Variants in NFIB observed in about 807,000 individuals in gnomAD.
NFIB encodes nuclear factor I B, also known as nuclear factor 1 B-type.
NFIB carries 11 observed loss-of-function variants against 61.5 expected under a neutral mutation model. The ratio of observed to expected loss-of-function variants is 0.18; its 90% CI spans 0.11 to 0.30. The LOEUF is 0.30. Ranked by LOEUF, NFIB falls within the 10% of genes least tolerant of loss-of-function variation. The pLI is 1.00. For missense variants in NFIB, 471 were observed against 608.9 expected (o/e 0.77, Z 2.38); for synonymous variants, 260 against 216.5 (o/e 1.20, Z -1.76).
the NFIB span, among the ~76,000 whole-genome samples, chr9:14,441,374 A>G: frequency 2.0e-5 from 3 of 152,156 alleles, no homozygotes; most frequent in Admixed American, 6.5e-5. Flanking sequence ...TTTTAATTGC[A>G]TTTTTAAAAT....
chr9:14,511,416 T>C, the NFIB span, among the ~76,000 whole-genome samples: 10 of 152,292 alleles, frequency 6.6e-5, no homozygotes, highest in East Asian at 1.9e-4. Flanking sequence ...TTAATTTTTA[T>C]GTAATCAAAT....
At chr9:14,197,299 G>A (rs574759826) in intron 2 of NFIB, among the ~76,000 whole-genome samples, 1 of 152,186 alleles carries the variant, frequency 6.6e-6, no homozygotes, top group Non-Finnish European at 1.5e-5. Flanking sequence ...TCTCAAACAA[G>A]CTATAATAAA....
intron 2 of NFIB, among the ~76,000 whole-genome samples, chr9:14,251,399 C>G (rs1385865606): frequency 6.6e-6 from 1 of 152,220 alleles, no homozygotes; most frequent in Non-Finnish European, 1.5e-5. Flanking sequence ...ACTAGGGCAG[C>G]TTGTCCAGCT....
intron 1 of NFIB, among the ~76,000 whole-genome samples, chr9:14,350,128 G>A (rs2061088464): frequency 6.6e-6 from 1 of 152,114 alleles, no homozygotes; most frequent in South Asian, 2.1e-4. Context: ...ATTTTCCAGC[G>A]CTCAGCCTCG....
At chr9:14,241,543 T>C (rs1382474759) in intron 2 of NFIB, among the ~76,000 whole-genome samples, 1 of 152,202 alleles carries the variant, frequency 6.6e-6, no homozygotes, top group Non-Finnish European at 1.5e-5. Context: ...ATCTTAAGTT[T>C]ACAGCTTGCC....
chr9:14,371,055 A>T (rs1367046510), intron 1 of NFIB, among the ~76,000 whole-genome samples: 2 of 152,198 alleles, frequency 1.3e-5, no homozygotes, highest in Non-Finnish European at 2.9e-5. Flanking sequence ...AGATTGTGCC[A>T]CTGCACTCCA....
At chr9:14,426,707 C>A in the NFIB span, among the ~76,000 whole-genome samples, 2 of 152,290 alleles carry the variant, frequency 1.3e-5, 1 homozygote, top group South Asian at 4.2e-4. Flanking sequence ...CCAGGAGCAC[C>A]CAGGAGGACA....
chr9:14,124,810 C>A (rs1032164487), intron 7 of NFIB, among the ~76,000 whole-genome samples: 5 of 152,122 alleles, frequency 3.3e-5, no homozygotes, highest in Non-Finnish European at 7.4e-5. Context: ...ACATCAGACA[C>A]AATATCAAGT....
At chr9:14,126,177 G>T (rs1044296498) in intron 6 of NFIB, among the ~76,000 whole-genome samples, 4 of 152,108 alleles carry the variant, frequency 2.6e-5, no homozygotes, top group African/African-American at 7.2e-5. Flanking sequence ...CAGGTATGTT[G>T]GTCACGATAT....
In NFIB at chr9:14,086,424, C is replaced by T. The variant is rs1314779144; in HGVS notation, c.*1885G>A. ...GTGTACTTACCTATAATAACCAATA[C>T]AGCTAAAAGCACTACCTACATAGGC... On this transcript the variant is annotated 3_prime_UTR_variant, in exon 11 of 11. Transcript: ENST00000380953. 4.6e-6 allele frequency: 1 copy of T among 217,366 alleles called. No homozygotes were observed. The highest frequency in any genetic ancestry group is 9.3e-6 in the Non-Finnish European group (1 of 108,042). 13.5% of individuals were successfully genotyped at this position (217,366 alleles called of 1,614,324 possible).
At chr9:14,277,797 T>C (rs1238817563) in intron 2 of NFIB, among the ~76,000 whole-genome samples, 1 of 152,168 alleles carries the variant, frequency 6.6e-6, no homozygotes, top group African/African-American at 2.4e-5. Context: ...CTTTTCTGAG[T>C]TCCCCATTGT....
chr9:14,228,330 G>T (rs1350046823), intron 2 of NFIB, among the ~76,000 whole-genome samples: 3 of 151,794 alleles, frequency 2.0e-5, no homozygotes, highest in Non-Finnish European at 2.9e-5. Flanking sequence ...GAGTAGCTGG[G>T]ATTACAGGAG....
chr9:14,512,774 A>G, the NFIB span, among the ~76,000 whole-genome samples: 2 of 150,198 alleles, frequency 1.3e-5, no homozygotes, highest in African/African-American at 4.9e-5. Context: ...CTTTTTTCCT[A>G]CCTCCCGTCT....
At chr9:14,233,616 G>C (rs1046445670) in intron 2 of NFIB, among the ~76,000 whole-genome samples, 4 of 151,884 alleles carry the variant, frequency 2.6e-5, no homozygotes, top group Non-Finnish European at 5.9e-5. Flanking sequence ...TTGTAGTAGA[G>C]ACCGGGTTTT....
At chr9:14,296,139 T>C (rs2059431966) in intron 2 of NFIB, among the ~76,000 whole-genome samples, 1 of 152,254 alleles carries the variant, frequency 6.6e-6, no homozygotes, top group African/African-American at 2.4e-5. Context: ...GACCCTCTGC[T>C]TCATATCCAG....
At chr9:14,478,214 G>T in the NFIB span, among the ~76,000 whole-genome samples, 41 of 152,204 alleles carry the variant, frequency 2.7e-4, no homozygotes, top group African/African-American at 9.6e-4. Flanking sequence ...CTTCCTACTA[G>T]GAAGCACACA....
chr9:14,354,022 T>G (rs2061146436), intron 1 of NFIB, among the ~76,000 whole-genome samples: 1 of 152,112 alleles, frequency 6.6e-6, no homozygotes, highest in Non-Finnish European at 1.5e-5. Flanking sequence ...CCCTTCCTTC[T>G]CTAAAAACCA....
the NFIB span, among the ~76,000 whole-genome samples, chr9:14,439,091 C>T: frequency 6.6e-6 from 1 of 152,206 alleles, no homozygotes; most frequent in African/African-American, 2.4e-5. Context: ...AAGTTTCAGG[C>T]TCGGCGTTGT....
At chr9:14,169,886 C>T (rs974702845) in intron 3 of NFIB, among the ~76,000 whole-genome samples, 3 of 152,272 alleles carry the variant, frequency 2.0e-5, no homozygotes, top group Admixed American at 2.0e-4. Context: ...CCTAGATACG[C>T]TTTCATAGTC....
Sources: allele counts gnomAD v4.1 joint callset (sites outside exome capture counted in the v4.1 genomes callset), GRCh38; gene constraint gnomAD v4.1.1; transcripts MANE v1.5; gene names NCBI Gene and HGNC (gene_info 2026-07-23, HGNC 2026-07-21).